The following ADCY5 variants were observed in gnomAD, a reference collection of about 807,000 sequenced individuals.
ADCY5 encodes adenylate cyclase 5.
Under a neutral mutation model 119.7 loss-of-function variants are expected in ADCY5, and 30 were observed. The ratio of observed to expected loss-of-function variants is 0.25; its 90% confidence interval spans 0.19 to 0.34. The LOEUF (loss-of-function observed/expected upper bound fraction) is 0.34, where lower values mean the gene tolerates loss of function less well. ADCY5 is among the 10% of genes least tolerant of loss of function. The pLI is 1.00. For synonymous variants in ADCY5, 753 were observed against 762.2 expected, an observed-to-expected ratio of 0.99 and a Z score of 0.20; for missense variants, 1,324 against 1,775.2, an observed-to-expected ratio of 0.75 and a Z score of 4.57.
intron 1 of ADCY5, among the ~76,000 whole-genome samples, chr3:123,383,222 T>A (rs1384734245): frequency 1.3e-5 from 2 of 152,086 alleles, no homozygotes; most frequent in Admixed American, 6.5e-5. Flanking sequence ...ATTTTGGAAA[T>A]CTGAGCCCTG....
chr3:123,297,335 C>G lies in ADCY5; in HGVS notation c.2930+18G>C, dbSNP rs778620226. On this transcript the variant is annotated intron_variant, in intron 16 of 20. Coordinates refer to ENST00000462833, the MANE Select transcript of ADCY5 (RefSeq NM_183357.3). Reference sequence around the variant, plus strand: ...GCTGAGGGCAGGGAGCGACCCTATCCGAGGAGCATCAACTCACCACTGGGA... The same window carrying G: ...GCTGAGGGCAGGGAGCGACCCTATCGGAGGAGCATCAACTCACCACTGGGA... 3 of 1,613,514 alleles carry G rather than the reference C, an allele frequency of 1.9e-6. No individual in the cohort carries two copies.
chr3:123,390,163 G>A (rs531084908), intron 1 of ADCY5, among the ~76,000 whole-genome samples: 9 of 152,304 alleles, frequency 5.9e-5, no homozygotes, highest in East Asian at 3.9e-4. Context: ...GAGAGAGGCC[G>A]TCCCCTACGA....
intron 17 of ADCY5, among the ~76,000 whole-genome samples, chr3:123,294,929 G>A (rs1028011292): frequency 3.3e-5 from 5 of 152,138 alleles, no homozygotes; most frequent in African/African-American, 1.2e-4. Context: ...CAAAGAAGAG[G>A]GGATTGAGGA....
chr3:123,383,358 G>A (rs1458250332), intron 1 of ADCY5, among the ~76,000 whole-genome samples: 1 of 152,226 alleles, frequency 6.6e-6, no homozygotes, highest in Non-Finnish European at 1.5e-5. Flanking sequence ...CCTCGGGAAT[G>A]TGAAGTACGT....
At chr3:123,365,430 GGA>G (rs1288421015) in intron 1 of ADCY5, among the ~76,000 whole-genome samples, 1 of 152,178 alleles carries the variant, frequency 6.6e-6, no homozygotes, top group East Asian at 1.9e-4. Context: ...AGAGGGCTGT[GGA>G]AATAGCACAG....
chr3:123,410,535 C>T (rs1442728679), intron 1 of ADCY5, among the ~76,000 whole-genome samples: 2 of 152,232 alleles, frequency 1.3e-5, no homozygotes, highest in Non-Finnish European at 2.9e-5. Context: ...TGAAAACCAA[C>T]ATAACGTCCA....
intron 10 of ADCY5, 119 bp from the exon 11 acceptor site, chr3:123,318,236 C>T (rs1941029409): frequency 2.8e-6 from 2 of 709,146 alleles, no homozygotes; most frequent in Non-Finnish European, 4.9e-6. Flanking sequence ...CAGCCCACTC[C>T]CACAACAGGG....
At chr3:123,402,561 C>T (rs552121430) in intron 1 of ADCY5, among the ~76,000 whole-genome samples, 2 of 152,314 alleles carry the variant, frequency 1.3e-5, no homozygotes, top group East Asian at 3.9e-4. Context: ...TTTAAAGGAG[C>T]CCTAGTCGGC....
At chr3:123,444,697 G>A (rs1187348828) in intron 1 of ADCY5, among the ~76,000 whole-genome samples, 3 of 152,216 alleles carry the variant, frequency 2.0e-5, no homozygotes, top group Non-Finnish European at 4.4e-5. Flanking sequence ...AGATAATGAT[G>A]TTGAGGACCT....
chr3:123,308,103 G>T lies in ADCY5; in HGVS notation c.2443-3920C>A, dbSNP rs1243544733. ...GGCTGGAGTGCAGTGGCATGGTCTC[G>T]GCTCACTGCAAGCTCCGCCTCCCAG... is the stretch of plus-strand genomic sequence containing the variant. On this transcript the variant is annotated intron_variant, in intron 12 of 20. Coordinates refer to ENST00000462833, the MANE Select transcript of ADCY5 (RefSeq NM_183357.3). Among the ~76,000 whole-genome samples, 8 of 138,472 alleles carry T rather than the reference G, an allele frequency of 5.8e-5. No individual in the cohort carries two copies. The Admixed American group carries it at 6.5e-4, about 11-fold the overall frequency. 90.8% of individuals were successfully genotyped at this position (138,472 alleles called of 152,430 possible).
In ADCY5 at chr3:123,300,167, A is replaced by C. The variant is rs1939759551; in HGVS notation, c.2853T>G (p.Gly951=). Residue 951 remains glycine, a synonymous_variant, in exon 15 of 21, where the codon GGT becomes GGG. Transcript: ENST00000462833. ...LIYVLIVEVP[G]VTLFDNADLL... ...GGTCGGCGTTGTCGAAGAGCGTGAC[A>C]CCTGGCACCTCCACGATGAGCACGT... 6.2e-7 allele frequency: 1 copy of C among 1,613,720 alleles called. No individual in the cohort carries two copies. Among genetic ancestry groups the C allele is most frequent in the Admixed American group, 1.7e-5 (1 of 60,004 alleles).
At chr3:123,319,887 C>T (rs894091006) in intron 9 of ADCY5, 69 bp from the exon 10 acceptor site, 37 of 1,575,228 alleles carry the variant, frequency 2.3e-5, no homozygotes, top group Middle Eastern at 2.0e-4. Context: ...CTGGCTCTTC[C>T]GACCATCCCC....
At chr3:123,317,980 C>T in intron 11 of ADCY5, 40 bp downstream of exon 11, 1 of 1,568,062 alleles carries the variant, frequency 6.4e-7, no homozygotes, top group Non-Finnish European at 8.8e-7. Context: ...GGATTCCCTG[C>T]AGCCAGAGGA....
chr3:123,344,606 A>G (rs1942442642), intron 3 of ADCY5, among the ~76,000 whole-genome samples: 1 of 152,122 alleles, frequency 6.6e-6, no homozygotes, highest in African/African-American at 2.4e-5. Flanking sequence ...AGTAGGGGCA[A>G]TGTGCAGAAC....
chr3:123,335,251 C>T (rs575225491), intron 3 of ADCY5, among the ~76,000 whole-genome samples: 11 of 152,306 alleles, frequency 7.2e-5, no homozygotes, highest in Non-Finnish European at 1.2e-4. Context: ...CCTGCTCCCT[C>T]GGCCTCCTGA....
intron 1 of ADCY5, among the ~76,000 whole-genome samples, chr3:123,419,728 G>A (rs942762051): frequency 2.6e-5 from 4 of 151,926 alleles, no homozygotes; most frequent in African/African-American, 4.8e-5. Context: ...CCCTGCCAGC[G>A]AGGCTCTTGC....
chr3:123,287,337 A>G lies in ADCY5; in HGVS notation c.3533-528T>C, dbSNP rs373135766. ...CTCCTCTGCCCACTTTCCCAATCTC[A>G]CCCAAGGCAACGCTGAGCATCACTG... On this transcript the variant is annotated intron_variant, in intron 19 of 20. Coordinates refer to ENST00000462833, the MANE Select transcript of ADCY5 (RefSeq NM_183357.3). Among the ~76,000 whole-genome samples, 23 of 151,648 alleles carry G rather than the reference A, an allele frequency of 1.5e-4. No individual in the cohort carries two copies. The South Asian group carries it at 2.9e-3, about 19-fold the overall frequency.
intron 3 of ADCY5, among the ~76,000 whole-genome samples, chr3:123,346,996 A>C (rs1185638577): frequency 6.6e-6 from 1 of 152,224 alleles, no homozygotes; most frequent in African/African-American, 2.4e-5. Context: ...GGAGGCGGCA[A>C]ACACGCAGTG....
intron 1 of ADCY5, among the ~76,000 whole-genome samples, chr3:123,416,003 T>G (rs1407619895): frequency 2.6e-5 from 4 of 152,206 alleles, no homozygotes. Context: ...CGGTAGTTCA[T>G]TATTTTTTCT....
Sources: gnomAD v4.1 joint callset for allele counts (sites outside exome capture counted in the v4.1 genomes callset) on GRCh38, gnomAD v4.1.1 for gene constraint, MANE v1.5 for transcripts, NCBI Gene and HGNC (gene_info 2026-07-23, HGNC 2026-07-21) for gene names.